GRAMD1A: variants seen among roughly 807,000 people sequenced by gnomAD.
GRAMD1A encodes the protein GRAM domain containing 1A, also known as protein Aster-A.
GRAMD1A carries 50 observed loss-of-function variants against 92.0 expected under a neutral mutation model. The ratio of observed to expected loss-of-function variants is 0.54; its 90% CI spans 0.43 to 0.69. The LOEUF is 0.69. Among genes scored for constraint, GRAMD1A ranks in the 30% least tolerant of loss-of-function variants. The pLI is 0.00. For synonymous variants in GRAMD1A, 405 were observed against 403.6 expected (o/e 1.00, Z -0.04); for missense variants, 819 against 978.9 (o/e 0.84, Z 2.18).
At chr19:35,004,007 A>C (rs2014609802) in intron 1 of GRAMD1A, among the ~76,000 whole-genome samples, 1 of 152,212 alleles carries the variant, frequency 6.6e-6, no homozygotes. Flanking sequence ...TGGGAGGATC[A>C]CTTGAGGTCA....
chr19:35,016,117 C>T, intron 11 of GRAMD1A, 150 bp downstream of exon 11: 1 of 783,948 alleles, frequency 1.3e-6, no homozygotes, highest in Non-Finnish European at 2.0e-6. Context: ...AGCAGCTCTG[C>T]CACTTACTAG....
chr19:35,006,833 C>A lies in GRAMD1A; in HGVS notation c.9-2286C>A, dbSNP rs551899094. ...TAAACAAGCAGGACACTCCAGATAG[C>A]CTGGGGTGTGGCGACAGAGGTGCCT... On this transcript the variant is annotated intron_variant, in intron 1 of 19. Coordinates refer to ENST00000317991, the MANE Select transcript of GRAMD1A (RefSeq NM_020895.5). Among the ~76,000 whole-genome samples the A allele has an allele frequency of 4.6e-5, 7 of 152,270 alleles. No homozygotes were observed. In the South Asian group the frequency reaches 1.2e-3, roughly 27 times the overall value.
At position 35,014,642 on chromosome 19, in the gene GRAMD1A, G is replaced by A. The variant is rs552828799; in HGVS notation, c.1069+255G>A. Reference sequence around the variant, plus strand: ...ACCACTTCCTGACCATGTCACGTGGGCAAATTATGTAACTTCTCTGAGCTT... The same window carrying A: ...ACCACTTCCTGACCATGTCACGTGGACAAATTATGTAACTTCTCTGAGCTT... On this transcript the variant is annotated intron_variant, in intron 10 of 19. Transcript: ENST00000317991. 1.3e-5 allele frequency: 7 copies of A among 548,140 alleles called. No homozygotes were observed. In the South Asian group the frequency reaches 1.3e-4, roughly 10 times the overall value. 34.0% of individuals were successfully genotyped at this position (548,140 alleles called of 1,614,324 possible). A position where few individuals can be genotyped will look rare whatever the true frequency, so the allele number is the denominator to read the frequency against.
At chr19:34,997,534 G>C (rs116932368), upstream of GRAMD1A, among the ~76,000 whole-genome samples, 780 of 152,238 alleles carry the variant, frequency 5.1e-3, 2 homozygotes, top group Non-Finnish European at 7.2e-3. Flanking sequence ...GAACTCTACC[G>C]ACCCTGAATA....
upstream of GRAMD1A, among the ~76,000 whole-genome samples, chr19:34,997,937 G>A (rs865862739): frequency 3.6e-4 from 55 of 151,912 alleles, no homozygotes; most frequent in African/African-American, 7.5e-4. Flanking sequence ...GCATGGTGGC[G>A]CATGCCTGTA....
intron 6 of GRAMD1A, chr19:35,010,655 C>T (rs937165915): frequency 1.0e-5 from 6 of 587,824 alleles, no homozygotes; most frequent in Admixed American, 3.2e-5. Flanking sequence ...CCCCTCCCTT[C>T]GTAAGTCTCC....
chr19:35,021,457 C>A lies in GRAMD1A; in HGVS notation c.1476-45C>A, dbSNP rs557549338. On this transcript the variant is annotated intron_variant, in intron 13 of 19. Coordinates refer to ENST00000317991, the MANE Select transcript of GRAMD1A (RefSeq NM_020895.5). This position sits in a 1 kb window ranked among gnomAD's most constrained non-coding sequence, Gnocchi z 5.3. The stretch of plus-strand genomic sequence containing the variant: ...AGCTTGTGGGACGGGGCAGCCAGGG[C>A]TGGAGTCAGACCCTTACCTCCTTCC... 109 of 1,408,004 alleles carry A rather than the reference C, an allele frequency of 7.7e-5. 2 individuals carry two copies. In the East Asian group the frequency reaches 2.3e-3, roughly 30 times the overall value. 87.2% of individuals were successfully genotyped at this position (1,408,004 alleles called of 1,614,324 possible).
intron 10 of GRAMD1A, chr19:35,014,595 C>T (rs1183039335): frequency 2.9e-5 from 17 of 593,974 alleles, no homozygotes; most frequent in Non-Finnish European, 3.9e-5. Flanking sequence ...AGGCAGCTTG[C>T]CGCGGTTCAC....
chr19:34,996,544 C>A (rs1024176366), upstream of GRAMD1A, among the ~76,000 whole-genome samples: 1 of 152,182 alleles, frequency 6.6e-6, no homozygotes, highest in East Asian at 1.9e-4. Flanking sequence ...TGGTGGCTCA[C>A]GCCTGTAATC....
rs765984604 is a variant in GRAMD1A at position 35,010,398 on chromosome 19, A to T, written c.525+19A>T. 1 of 1,546,122 alleles carries T rather than the reference A, an allele frequency of 6.5e-7. No individual in the cohort carries two copies. On this transcript the variant is annotated intron_variant, in intron 6 of 19. Transcript: ENST00000317991. Reference sequence around the variant, plus strand: ...CGAGAAGGTGACGGAGGACCCGGTGACGGGACCACGCGGTCCCCCGCTCAG... The same window carrying T: ...CGAGAAGGTGACGGAGGACCCGGTGTCGGGACCACGCGGTCCCCCGCTCAG...
intron 1 of GRAMD1A, among the ~76,000 whole-genome samples, chr19:35,003,562 C>A (rs557382052): frequency 3.9e-5 from 6 of 152,244 alleles, no homozygotes; most frequent in Non-Finnish European, 8.8e-5. Context: ...AGCCTCTCTT[C>A]AGGATTCCGG....
chr19:35,002,042 G>A (rs1198752245), intron 1 of GRAMD1A, among the ~76,000 whole-genome samples: 3 of 152,044 alleles, frequency 2.0e-5, no homozygotes, highest in Non-Finnish European at 4.4e-5. Context: ...GTATTCCTTT[G>A]TGACAGTATT....
intron 1 of GRAMD1A, among the ~76,000 whole-genome samples, chr19:35,001,997 A>T (rs2014409471): frequency 6.6e-6 from 1 of 152,078 alleles, no homozygotes; most frequent in African/African-American, 2.4e-5. Flanking sequence ...GCTGTAACTT[A>T]ATTTGATTCC....
At chr19:35,009,571 A>G (rs1335668399) in intron 3 of GRAMD1A, 128 bp downstream of exon 3, 12 of 941,692 alleles carry the variant, frequency 1.3e-5, no homozygotes, top group Non-Finnish European at 1.9e-5. Context: ...GTCACGTTCT[A>G]TGCTATTATT....
chr19:34,996,738 G>A (rs562856896), upstream of GRAMD1A, among the ~76,000 whole-genome samples: 6 of 151,832 alleles, frequency 4.0e-5, no homozygotes, highest in African/African-American at 1.4e-4. Flanking sequence ...CCTGGTAGGC[G>A]GAGGTTGCAG....
At chr19:35,012,725 T>C (rs891066663) in intron 7 of GRAMD1A, among the ~76,000 whole-genome samples, 2 of 152,230 alleles carry the variant, frequency 1.3e-5, no homozygotes, top group African/African-American at 4.8e-5. Context: ...CCCAGCACTT[T>C]GGTAGACGAA....
intron 16 of GRAMD1A, 79 bp from the exon 17 acceptor site, chr19:35,022,821 G>T (rs557589233): frequency 6.7e-7 from 1 of 1,486,694 alleles, no homozygotes; most frequent in Non-Finnish European, 9.1e-7. Context: ...GAGCTGCCCC[G>T]GGTGAGGAGG....
At position 35,009,294 on chromosome 19, in the gene GRAMD1A, AGCC is replaced by A; in HGVS notation, c.185_187del (p.Ser62_Leu63delinsIle). 6.2e-7 allele frequency: 1 copy of A among 1,613,970 alleles called. No homozygotes were observed. Among genetic ancestry groups the A allele is most frequent in the Non-Finnish European group, 8.5e-7 (1 of 1,179,924 alleles). On this transcript the variant is annotated inframe_deletion, in exon 2 of 20. Transcript: ENST00000317991. ...GGTGCCTGGGACCCCCAGCACCCAG[AGCC>A]TAGGCAGCCGGAACTTCATCCGCAA... is the stretch of plus-strand genomic sequence containing the variant.
chr19:35,000,736 C>A lies in GRAMD1A; in HGVS notation c.8+250C>A, dbSNP rs958740320. On this transcript the variant is annotated intron_variant, in intron 1 of 19. Coordinates refer to ENST00000317991, the MANE Select transcript of GRAMD1A (RefSeq NM_020895.5). This position sits in a 1 kb window ranked among gnomAD's most constrained non-coding sequence, Gnocchi z 4.9. ...CTGGGTCGCCACTGCCGGCCCGCGA[C>A]GCACTGGGTTGCGGGGTTTGGCTGG... Among the ~76,000 whole-genome samples, 2 of 152,008 alleles carry A rather than the reference C, an allele frequency of 1.3e-5. No homozygotes were observed. The highest frequency in any genetic ancestry group is 4.8e-5 in the African/African-American group (2 of 41,408).
Sources: allele counts gnomAD v4.1 joint callset (sites outside exome capture counted in the v4.1 genomes callset), GRCh38; gene constraint gnomAD v4.1.1; non-coding constraint Gnocchi (gnomAD v3.1); transcripts MANE v1.5; gene names NCBI Gene and HGNC (gene_info 2026-07-23, HGNC 2026-07-21).